TNIK: variants seen among roughly 807,000 people sequenced by gnomAD.
The protein encoded by TNIK is TRAF2 and NCK-interacting protein kinase.
A neutral mutation model predicts 191.3 loss-of-function variants in TNIK; 49 were observed. The observed-to-expected ratio is 0.26, with a 90% CI of 0.20 to 0.32. TNIK has a LOEUF of 0.32. Ranked by LOEUF, TNIK falls within the 10% of genes least tolerant of loss-of-function variation. The pLI, the probability that TNIK is intolerant of heterozygous loss-of-function variation, is 1.00. For missense variants in TNIK, 1,155 were observed against 1,702.3 expected, an observed-to-expected ratio of 0.68 and a Z score of 5.66; for synonymous variants, 594 against 600.9, an observed-to-expected ratio of 0.99 and a Z score of 0.17.
At chr3:171,181,069 T>C (rs1055113398) in intron 7 of TNIK, among the ~76,000 whole-genome samples, 18 of 152,344 alleles carry the variant, frequency 1.2e-4, no homozygotes, top group African/African-American at 4.3e-4. Context: ...CTTGAACTCC[T>C]GGGCTCAAGC....
intron 18 of TNIK, among the ~76,000 whole-genome samples, chr3:171,122,960 T>C (rs1255874793): frequency 6.6e-6 from 1 of 152,220 alleles, no homozygotes; most frequent in Non-Finnish European, 1.5e-5. Context: ...TGGAAGTGGA[T>C]GCAACTTTCT....
rs1718088216 is a variant in TNIK, at chr3:171,063,831, C to CT, written c.*49dup. The CT allele has an allele frequency of 6.3e-7, 1 of 1,585,564 alleles. No homozygotes were observed. The highest frequency in any genetic ancestry group is 8.6e-7 in the Non-Finnish European group (1 of 1,159,364). On this transcript the variant is annotated 3_prime_UTR_variant, in exon 33 of 33. Transcript: ENST00000436636. ...GGCATAAGTCCACATGAGTTATGTTCTTTTAAATTAGAAATAACGCCATGA... is the reference window on the plus strand; with the variant it reads ...GGCATAAGTCCACATGAGTTATGTTCTTTTTAAATTAGAAATAACGCCATGA...
At chr3:171,107,930 C>G in intron 20 of TNIK, 135 bp downstream of exon 20, 1 of 804,502 alleles carries the variant, frequency 1.2e-6, no homozygotes, top group Non-Finnish European at 1.9e-6. Flanking sequence ...TGACTTTCTT[C>G]GGGATGTTTC....
At chr3:171,292,001 T>C (rs1478143239) in intron 2 of TNIK, among the ~76,000 whole-genome samples, 3 of 152,220 alleles carry the variant, frequency 2.0e-5, no homozygotes, top group Admixed American at 2.0e-4. Flanking sequence ...ACTTCTACTG[T>C]GCTATTAATC....
chr3:171,314,736 A>G (rs1754417853), intron 2 of TNIK, among the ~76,000 whole-genome samples: 1 of 152,126 alleles, frequency 6.6e-6, no homozygotes, highest in Admixed American at 6.6e-5. Context: ...ATAAAACACA[A>G]TAAAACGATA....
At chr3:171,268,659 C>G (rs553291904) in intron 2 of TNIK, among the ~76,000 whole-genome samples, 1 of 151,912 alleles carries the variant, frequency 6.6e-6, no homozygotes, top group Admixed American at 6.6e-5. Flanking sequence ...TAACCTCAAG[C>G]AGAGACTAGC....
intron 9 of TNIK, among the ~76,000 whole-genome samples, chr3:171,169,895 A>G (rs11928451): frequency 0.011 from 1,738 of 152,332 alleles, 34 homozygotes; most frequent in African/African-American, 0.04. Flanking sequence ...AATATATTTC[A>G]TATCTTCTTC....
chr3:171,107,116 C>T, intron 21 of TNIK, 67 bp downstream of exon 21: 1 of 1,530,694 alleles, frequency 6.5e-7, no homozygotes, highest in Middle Eastern at 1.7e-4. Flanking sequence ...TTCTGAATGT[C>T]AACATTAGGA....
chr3:171,216,333 A>G (rs147053419), intron 3 of TNIK, among the ~76,000 whole-genome samples: 87 of 152,360 alleles, frequency 5.7e-4, no homozygotes, highest in African/African-American at 2.1e-3. Flanking sequence ...AGCAATATCT[A>G]CTTATACAAT....
intron 2 of TNIK, among the ~76,000 whole-genome samples, chr3:171,333,686 C>T (rs1332581373): frequency 2.6e-5 from 4 of 151,832 alleles, no homozygotes; most frequent in Non-Finnish European, 4.4e-5. Flanking sequence ...GCAAACTGGC[C>T]ATTTCACTCA....
chr3:171,417,510 T>C (rs1723241305), intron 1 of TNIK, among the ~76,000 whole-genome samples: 1 of 152,212 alleles, frequency 6.6e-6, no homozygotes, highest in Non-Finnish European at 1.5e-5. Flanking sequence ...GATTCTCGTA[T>C]TGTGAAAGGT....
At position 171,123,706 on chromosome 3, in the gene TNIK, G is replaced by A; in HGVS notation, c.2014-4C>T. 3 of 1,553,800 alleles carry A rather than the reference G, an allele frequency of 1.9e-6. No homozygotes were observed. Among genetic ancestry groups the A allele is most frequent in the Non-Finnish European group, 2.6e-6 (3 of 1,147,564 alleles). On this transcript the variant is annotated splice_polypyrimidine_tract_variant and splice_region_variant and intron_variant, in intron 17 of 32. Transcript: ENST00000436636. ...TAGAAGTTGTTCTTTGAGGCACCTG[G>A]AAGAAACCAGAATTCAGAAATATTT...
chr3:171,375,412 A>G (rs1422867561), intron 1 of TNIK, among the ~76,000 whole-genome samples: 1 of 152,248 alleles, frequency 6.6e-6, no homozygotes, highest in Non-Finnish European at 1.5e-5. Context: ...CCACATGCTT[A>G]GCAAACAGAG....
chr3:171,289,198 G>T (rs1444702083), intron 2 of TNIK, among the ~76,000 whole-genome samples: 1 of 152,122 alleles, frequency 6.6e-6, no homozygotes, highest in Non-Finnish European at 1.5e-5. Context: ...TAGAACACCT[G>T]GTTCTGCAAA....
chr3:171,188,668 G>A, intron 7 of TNIK, 34 bp downstream of exon 7: 1 of 1,610,574 alleles, frequency 6.2e-7, no homozygotes, highest in Non-Finnish European at 8.5e-7. Flanking sequence ...TAAGATGGTA[G>A]GCATAGTTTT....
chr3:171,212,843 C>A (rs1741002046), intron 3 of TNIK, among the ~76,000 whole-genome samples: 1 of 152,158 alleles, frequency 6.6e-6, no homozygotes, highest in South Asian at 2.1e-4. Context: ...GAAGTGCTGA[C>A]ATTTGCTGAC....
intron 18 of TNIK, among the ~76,000 whole-genome samples, chr3:171,116,855 T>C (rs1576867040): frequency 6.6e-6 from 1 of 152,374 alleles, no homozygotes; most frequent in African/African-American, 2.4e-5. Flanking sequence ...TGATTTGAAC[T>C]TAACTGATCA....
At position 171,060,055 on chromosome 3, in the gene TNIK, T is replaced by TG. The variant is rs1197717290; in HGVS notation, c.*3825_*3826insC. ...TAAAAATAATGTAGCACATCTTACA[T>TG]CTTAAAGCAATCAGCACAAATGCAA... On this transcript the variant is annotated 3_prime_UTR_variant, in exon 33 of 33. Transcript: ENST00000436636. Among the ~76,000 whole-genome samples the TG allele has an allele frequency of 3.9e-5, 6 of 152,172 alleles. No individual in the cohort carries two copies. Among genetic ancestry groups the TG allele is most frequent in the African/African-American group, 1.4e-4 (6 of 41,430 alleles).
intron 2 of TNIK, among the ~76,000 whole-genome samples, chr3:171,276,771 A>C (rs865991741): frequency 1.6e-4 from 24 of 152,362 alleles, no homozygotes; most frequent in African/African-American, 5.8e-4. Context: ...GTAATAAAAA[A>C]TTCATCAAGA....
Sources: allele counts gnomAD v4.1 joint callset (sites outside exome capture counted in the v4.1 genomes callset), GRCh38; gene constraint gnomAD v4.1.1; transcripts MANE v1.5; gene names NCBI Gene and HGNC (gene_info 2026-07-23, HGNC 2026-07-21).